LRRC37A2: variants seen among roughly 807,000 people sequenced by gnomAD.
LRRC37A2 encodes the protein leucine rich repeat containing 37 member A2, also known as leucine-rich repeat-containing protein 37A2.
A neutral mutation model predicts 68.8 loss-of-function variants in LRRC37A2; 9 were observed. That is an observed-to-expected ratio of 0.13 (90% CI 0.08 to 0.23). The LOEUF is 0.23. Among genes scored for constraint, LRRC37A2 ranks in the 10% least tolerant of loss-of-function variants. The pLI, the probability that LRRC37A2 is intolerant of heterozygous loss-of-function variation, is 1.00. For synonymous variants in LRRC37A2, 63 were observed against 367.6 expected (o/e 0.17, Z 9.48); for missense variants, 168 against 950.4 (o/e 0.18, Z 10.82).
the LRRC37A2 span, among the ~76,000 whole-genome samples, chr17:46,502,866 C>T: frequency 6.6e-6 from 1 of 150,774 alleles, no homozygotes; most frequent in Non-Finnish European, 1.5e-5. Context: ...CGAAAGTCTC[C>T]ACTGTGACTC....
the LRRC37A2 span, among the ~76,000 whole-genome samples, chr17:47,014,643 G>C: frequency 6.6e-6 from 1 of 151,606 alleles, no homozygotes; most frequent in African/African-American, 2.4e-5. Context: ...TACAGTTGTG[G>C]ACACAGGAGA....
the LRRC37A2 span, among the ~76,000 whole-genome samples, chr17:46,896,565 G>A: frequency 1.3e-5 from 2 of 152,148 alleles, no homozygotes; most frequent in Non-Finnish European, 2.9e-5. Context: ...GAGCCCAGGA[G>A]TTTGAGATCA....
chr17:46,870,141 A>G, the LRRC37A2 span, among the ~76,000 whole-genome samples: 1 of 151,836 alleles, frequency 6.6e-6, no homozygotes, highest in South Asian at 2.1e-4. Flanking sequence ...AATTTCCATC[A>G]CTCCCTGCTT....
the LRRC37A2 span, among the ~76,000 whole-genome samples, chr17:46,874,558 CATTT>C: frequency 1.3e-5 from 2 of 152,056 alleles, no homozygotes; most frequent in African/African-American, 4.8e-5. Context: ...TTGTAAATTC[CATTT>C]ATTTATTTAT....
chr17:46,967,051 C>T, the LRRC37A2 span: 1 of 185,858 alleles, frequency 5.4e-6, no homozygotes, highest in East Asian at 1.3e-4. Context: ...AGGTTTGTGG[C>T]CTTCCCGCAG....
At chr17:46,805,216 C>A in the LRRC37A2 span, among the ~76,000 whole-genome samples, 6 of 151,806 alleles carry the variant, frequency 4.0e-5, no homozygotes, top group Non-Finnish European at 8.8e-5. Context: ...GAGGCTGAGG[C>A]AGGAGGATTG....
chr17:46,987,959 G>A, the LRRC37A2 span, among the ~76,000 whole-genome samples: 1 of 152,134 alleles, frequency 6.6e-6, no homozygotes, highest in East Asian at 1.9e-4. Flanking sequence ...ATCACCTGAG[G>A]TCAGGAGTTT....
chr17:46,875,852 G>T, the LRRC37A2 span, among the ~76,000 whole-genome samples: 1 of 152,200 alleles, frequency 6.6e-6, no homozygotes, highest in Non-Finnish European at 1.5e-5. Flanking sequence ...AAAGTATCTT[G>T]GTCTATTGAG....
the LRRC37A2 span, among the ~76,000 whole-genome samples, chr17:46,816,149 GCA>G: frequency 1.5e-5 from 2 of 131,052 alleles, no homozygotes; most frequent in African/African-American, 5.8e-5. Flanking sequence ...ACGCACGCAC[GCA>G]CACACACACT....
chr17:46,738,025 C>T, the LRRC37A2 span, among the ~76,000 whole-genome samples: 1 of 151,888 alleles, frequency 6.6e-6, no homozygotes, highest in Admixed American at 6.6e-5. Context: ...CCTTTACCTC[C>T]TGGGCTCAAT....
At chr17:46,496,621 C>T in the LRRC37A2 span, among the ~76,000 whole-genome samples, 3 of 126,988 alleles carry the variant, frequency 2.4e-5, no homozygotes, top group Non-Finnish European at 4.7e-5. Flanking sequence ...AAAAAAAAAA[C>T]AAAACAAAAC....
the LRRC37A2 span, among the ~76,000 whole-genome samples, chr17:46,943,022 TC>T: frequency 6.6e-6 from 1 of 152,302 alleles, no homozygotes; most frequent in South Asian, 2.1e-4. Context: ...GTGTGGGTCT[TC>T]CATTCACCCT....
the LRRC37A2 span, among the ~76,000 whole-genome samples, chr17:47,013,119 T>C: frequency 6.6e-6 from 1 of 152,224 alleles, no homozygotes; most frequent in Non-Finnish European, 1.5e-5. Context: ...CCATGTTTTA[T>C]GTAACTCCAT....
At chr17:46,558,852 T>A (rs1168900561), downstream of LRRC37A2, 6 of 128,844 alleles carry the variant, frequency 4.7e-5, no homozygotes, top group Non-Finnish European at 8.1e-5. Flanking sequence ...TTTTTTTTTT[T>A]TTTTTTTTCA....
the LRRC37A2 span, chr17:46,978,734 G>A: frequency 6.2e-7 from 1 of 1,612,472 alleles, no homozygotes; most frequent in East Asian, 2.2e-5. Flanking sequence ...GACTTGATGA[G>A]CAGGTTGCAG....
At chr17:46,534,798 C>A in intron 6 of LRRC37A2, among the ~76,000 whole-genome samples, 1 of 147,680 alleles carries the variant, frequency 6.8e-6, no homozygotes, top group African/African-American at 2.7e-5. Context: ...CCCCACCTCC[C>A]GGAGGGGGCG....
chr17:46,678,895 A>T, the LRRC37A2 span, among the ~76,000 whole-genome samples: 24 of 139,524 alleles, frequency 1.7e-4, no homozygotes, highest in Admixed American at 1.7e-3. Context: ...TTAGAATTTT[A>T]TATCCAGTAA....
the LRRC37A2 span, among the ~76,000 whole-genome samples, chr17:46,585,318 GA>G: frequency 0.022 from 1,503 of 67,514 alleles, no homozygotes; most frequent in Middle Eastern, 0.068. Flanking sequence ...ACTCCATCTC[GA>G]AAAAAAAAAA....
chr17:46,984,969 A>T, the LRRC37A2 span, among the ~76,000 whole-genome samples: 21 of 152,230 alleles, frequency 1.4e-4, no homozygotes, highest in African/African-American at 4.6e-4. Context: ...GGTTTTAAAC[A>T]ACCCCCCTAG....
Sources: gnomAD v4.1 joint callset for allele counts (sites outside exome capture counted in the v4.1 genomes callset) on GRCh38, gnomAD v4.1.1 for gene constraint, MANE v1.5 for transcripts, NCBI Gene and HGNC (gene_info 2026-07-23, HGNC 2026-07-21) for gene names.